Variants in MYO16 observed in about 807,000 individuals in gnomAD.
The protein encoded by MYO16 is myosin XVI.
A neutral mutation model predicts 205.3 loss-of-function variants in MYO16; 94 were observed. The observed-to-expected ratio is 0.46, with a 90% CI of 0.39 to 0.54. The LOEUF is 0.54. MYO16 is among the 20% of genes least tolerant of loss of function. The pLI is 0.00. For synonymous variants in MYO16, 988 were observed against 954.0 expected (o/e 1.04, Z -0.66); for missense variants, 2,315 against 2,387.5 (o/e 0.97, Z 0.63).
At chr13:108,561,067 A>G in the MYO16 span, among the ~76,000 whole-genome samples, 1 of 152,246 alleles carries the variant, frequency 6.6e-6, no homozygotes, top group Non-Finnish European at 1.5e-5. Flanking sequence ...TGATGCATAT[A>G]CAAGGCTTTG....
chr13:108,829,944 G>A (rs1018618514), intron 9 of MYO16, among the ~76,000 whole-genome samples: 2 of 147,928 alleles, frequency 1.4e-5, no homozygotes, highest in Admixed American at 6.8e-5. Flanking sequence ...CAAAAAGTGG[G>A]CAAAGGACAT....
chr13:108,579,836 TG>T, the MYO16 span, among the ~76,000 whole-genome samples: 3 of 152,208 alleles, frequency 2.0e-5, no homozygotes, highest in South Asian at 2.1e-4. Context: ...GCCTATTGTT[TG>T]GGCATTTTAA....
chr13:108,816,104 G>A (rs1875586108), intron 7 of MYO16, among the ~76,000 whole-genome samples: 1 of 151,770 alleles, frequency 6.6e-6, no homozygotes, highest in Non-Finnish European at 1.5e-5. Context: ...GGACCGTCCG[G>A]GCCTTTACAT....
intron 16 of MYO16, among the ~76,000 whole-genome samples, chr13:108,955,464 GCTT>G (rs1460979472): frequency 1.3e-5 from 2 of 152,174 alleles, no homozygotes; most frequent in Non-Finnish European, 2.9e-5. Context: ...ACCATGGTCT[GCTT>G]CTCCCTTCCA....
intron 2 of MYO16, among the ~76,000 whole-genome samples, chr13:108,667,151 T>A (rs1279136425): frequency 6.6e-6 from 1 of 152,200 alleles, no homozygotes; most frequent in Non-Finnish European, 1.5e-5. Context: ...CAATAACATA[T>A]GTGCTTTGAA....
chr13:108,826,980 C>A (rs757712866), intron 9 of MYO16, among the ~76,000 whole-genome samples: 2 of 152,148 alleles, frequency 1.3e-5, no homozygotes, highest in South Asian at 2.1e-4. Context: ...TCTGGCAGTT[C>A]TCAAACAGTT....
At chr13:108,593,208 T>G (rs1026331100), upstream of MYO16, among the ~76,000 whole-genome samples, 2 of 152,180 alleles carry the variant, frequency 1.3e-5, no homozygotes, top group African/African-American at 4.8e-5. Context: ...AGTAATTTAG[T>G]GTGAACACAT....
intron 1 of MYO16, among the ~76,000 whole-genome samples, chr13:108,654,107 G>A (rs775562619): frequency 6.6e-6 from 1 of 151,882 alleles, no homozygotes; most frequent in East Asian, 1.9e-4. Context: ...ATGGGGTTAG[G>A]GTATTCCATT....
intron 2 of MYO16, among the ~76,000 whole-genome samples, chr13:108,679,303 C>T (rs773221619): frequency 2.0e-5 from 3 of 152,126 alleles, no homozygotes; most frequent in South Asian, 2.1e-4. Context: ...TCCACTCACC[C>T]GCTTCCTTCT....
chr13:108,867,120 G>A (rs981057646), intron 12 of MYO16, among the ~76,000 whole-genome samples: 2 of 151,948 alleles, frequency 1.3e-5, no homozygotes, highest in Non-Finnish European at 2.9e-5. Flanking sequence ...AAGGCTGGTG[G>A]ATCACTTGAG....
Position 109,128,451 on chromosome 13 carries a change from G to A in MYO16, c.4051+901G>A, listed in dbSNP as rs1320144261. On this transcript the variant is annotated intron_variant, in intron 31 of 34. Coordinates refer to ENST00000457511, the MANE Select transcript of MYO16 (RefSeq NM_001198950.3). The stretch of plus-strand genomic sequence containing the variant: ...ATCTGAGAACATAAGATGAAACACA[G>A]TTCCTTCAGTAAATAAATGACCCCA... 3.3e-5 allele frequency among the ~76,000 whole-genome samples: 5 copies of A among 152,256 alleles called. No individual in the cohort carries two copies. The East Asian group carries it at 9.7e-4, about 29-fold the overall frequency.
At chr13:108,723,037 A>C (rs896482549) in intron 3 of MYO16, among the ~76,000 whole-genome samples, 1 of 151,032 alleles carries the variant, frequency 6.6e-6, no homozygotes, top group African/African-American at 2.4e-5. Flanking sequence ...CAGCGACCTC[A>C]CACCATGCTT....
At chr13:108,975,184 G>GTT (rs200122414) in intron 20 of MYO16, among the ~76,000 whole-genome samples, 6 of 144,654 alleles carry the variant, frequency 4.1e-5, no homozygotes, top group South Asian at 2.1e-4. Flanking sequence ...TTGGGATACT[G>GTT]TTTTTGTTTT....
intron 1 of MYO16, among the ~76,000 whole-genome samples, chr13:108,657,119 T>G (rs1192189046): frequency 1.3e-5 from 2 of 152,248 alleles, no homozygotes; most frequent in Non-Finnish European, 2.9e-5. Flanking sequence ...TGTTACTACA[T>G]ACTGTAGCTA....
At position 108,670,693 on chromosome 13, in the gene MYO16, G is replaced by A. The variant is rs72664973; in HGVS notation, c.292+4544G>A. ...GATTCAAGAATTTCAGTAATGGTTC[G>A]GCATGGACTCACTGCTCCTTTGTCC... is the stretch of plus-strand genomic sequence containing the variant. On this transcript the variant is annotated intron_variant, in intron 2 of 34. Coordinates refer to ENST00000457511, the MANE Select transcript of MYO16 (RefSeq NM_001198950.3). Among the ~76,000 whole-genome samples, 546 of 152,252 alleles carry A rather than the reference G, an allele frequency of 3.6e-3. 9 individuals are homozygous for A. The highest frequency in any genetic ancestry group is 0.031 in the East Asian group (162 of 5,180).
chr13:108,665,865 C>A, intron 1 of MYO16, 21 bp from the exon 2 acceptor site: 3 of 1,608,316 alleles, frequency 1.9e-6, no homozygotes, highest in Non-Finnish European at 1.7e-6. Context: ...TCTGGTGACG[C>A]TCCCCTTGCA....
intron 1 of MYO16, among the ~76,000 whole-genome samples, chr13:108,648,736 G>C (rs1257355135): frequency 6.6e-6 from 1 of 151,970 alleles, no homozygotes; most frequent in Non-Finnish European, 1.5e-5. Context: ...CGAGTCACTT[G>C]GTTGCCACTG....
Position 108,806,662 on chromosome 13 carries a change from A to G in MYO16, c.742-17A>G, listed in dbSNP as rs1887122922. The G allele has an allele frequency of 6.2e-7, 1 of 1,609,616 alleles. No homozygotes were observed. On this transcript the variant is annotated splice_polypyrimidine_tract_variant and intron_variant, in intron 6 of 34. Coordinates refer to ENST00000457511, the MANE Select transcript of MYO16 (RefSeq NM_001198950.3). ...CTACTTTAAAAAAATGAATAATAAG[A>G]TGTCTCTTCGCTGCAGTTACACATG... is the stretch of plus-strand genomic sequence containing the variant.
intron 3 of MYO16, among the ~76,000 whole-genome samples, chr13:108,725,035 G>A (rs146159796): frequency 1.3e-5 from 2 of 151,918 alleles, no homozygotes; most frequent in East Asian, 3.9e-4. Flanking sequence ...TTTAATTTAT[G>A]TTGCTGCTTT....
Sources: allele counts gnomAD v4.1 joint callset (sites outside exome capture counted in the v4.1 genomes callset), GRCh38; gene constraint gnomAD v4.1.1; transcripts MANE v1.5; gene names NCBI Gene and HGNC (gene_info 2026-07-23, HGNC 2026-07-21).